Variants in MOB1B observed in about 807,000 individuals in gnomAD.
MOB1B encodes the protein MOB kinase activator 1B.
In MOB1B, 19 loss-of-function variants were observed where a neutral mutation model predicts 24.4. That is an observed-to-expected ratio of 0.78 (90% CI 0.54 to 1.14). The LOEUF (loss-of-function observed/expected upper bound fraction) is 1.14, where lower values mean the gene tolerates loss of function less well. MOB1B is among the 50% of genes most tolerant of loss of function. The pLI, the probability that MOB1B is intolerant of heterozygous loss-of-function variation, is 0.00. For missense variants in MOB1B, 243 were observed against 259.6 expected, an observed-to-expected ratio of 0.94 and a Z score of 0.44; for synonymous variants, 76 against 82.1, an observed-to-expected ratio of 0.93 and a Z score of 0.40.
chr4:70,967,783 A>G (rs1174814652), intron 2 of MOB1B, among the ~76,000 whole-genome samples: 1 of 152,226 alleles, frequency 6.6e-6, no homozygotes, highest in Non-Finnish European at 1.5e-5. Context: ...TGAAACCTGG[A>G]AACTATTCCT....
chr4:70,978,746 T>C (rs1411394265), intron 4 of MOB1B, among the ~76,000 whole-genome samples: 7 of 152,196 alleles, frequency 4.6e-5, no homozygotes, highest in African/African-American at 1.7e-4. Context: ...TAAACAAAAC[T>C]GAAGGTGGTT....
intron 2 of MOB1B, among the ~76,000 whole-genome samples, chr4:70,961,618 ATTGC>A (rs1156496365): frequency 6.6e-6 from 1 of 152,226 alleles, no homozygotes; most frequent in East Asian, 1.9e-4. Flanking sequence ...CTGGACAAAG[ATTGC>A]TTTGGACTGA....
chr4:70,979,382 A>T (rs1366749059), intron 5 of MOB1B, 91 bp downstream of exon 5: 4 of 989,186 alleles, frequency 4.0e-6, no homozygotes, highest in Non-Finnish European at 6.0e-6. Flanking sequence ...GTCAGGATGG[A>T]ATTTGCCATA....
intron 3 of MOB1B, 138 bp from the exon 4 acceptor site, chr4:70,975,014 TA>T (rs1268146700): frequency 1.0e-5 from 6 of 596,484 alleles, no homozygotes; most frequent in Non-Finnish European, 1.5e-5. Flanking sequence ...ACTGGGTATT[TA>T]AAAATGTATC....
rs535853514 is a variant in MOB1B, at chr4:70,964,820, C to T, written c.182-5111C>T. On this transcript the variant is annotated intron_variant, in intron 2 of 5. Coordinates refer to ENST00000309395, the MANE Select transcript of MOB1B (RefSeq NM_173468.4). ...TTGGGGCATGCCTGTATCCCAGCTACGTGGGAGGCTGAGGCAGGAAAATTG... is the reference window on the plus strand; with the variant it reads ...TTGGGGCATGCCTGTATCCCAGCTATGTGGGAGGCTGAGGCAGGAAAATTG... Among the ~76,000 whole-genome samples the T allele has an allele frequency of 4.1e-3, 623 of 151,364 alleles. 3 individuals are homozygous for T. Among genetic ancestry groups the T allele is most frequent in the Non-Finnish European group, 4.6e-3 (315 of 67,922 alleles).
intron 1 of MOB1B, among the ~76,000 whole-genome samples, chr4:70,923,529 A>G (rs1182943536): frequency 2.0e-5 from 3 of 152,150 alleles, no homozygotes; most frequent in African/African-American, 4.8e-5. Flanking sequence ...CTACCCTTGT[A>G]TCTGTCTGCC....
At chr4:70,959,651 GTGGA>G (rs754643453) in intron 2 of MOB1B, among the ~76,000 whole-genome samples, 6 of 152,006 alleles carry the variant, frequency 3.9e-5, no homozygotes, top group Non-Finnish European at 8.8e-5. Flanking sequence ...TCCTTTCTAC[GTGGA>G]TGATTTTATT....
At chr4:70,945,534 T>C (rs576076025) in intron 1 of MOB1B, among the ~76,000 whole-genome samples, 12 of 152,384 alleles carry the variant, frequency 7.9e-5, no homozygotes, top group African/African-American at 2.4e-4. Context: ...TGATTAGGCC[T>C]ATTTGTATAA....
At chr4:70,924,602 A>C (rs925906801) in intron 1 of MOB1B, among the ~76,000 whole-genome samples, 1 of 152,168 alleles carries the variant, frequency 6.6e-6, no homozygotes, top group Non-Finnish European at 1.5e-5. Flanking sequence ...CATTTACATT[A>C]GGTATTTCTC....
intron 2 of MOB1B, among the ~76,000 whole-genome samples, chr4:70,968,988 T>C (rs369952389): frequency 1.3e-5 from 2 of 152,316 alleles, no homozygotes; most frequent in Non-Finnish European, 2.9e-5. Context: ...AGATTGTCCT[T>C]TGCTTATTCT....
intron 1 of MOB1B, among the ~76,000 whole-genome samples, chr4:70,932,123 C>T (rs1435955097): frequency 1.3e-5 from 2 of 152,004 alleles, no homozygotes; most frequent in Non-Finnish European, 2.9e-5. Context: ...CTAGTAGCTA[C>T]CAAGGATAAA....
At chr4:70,957,767 T>G (rs1212624710) in intron 1 of MOB1B, among the ~76,000 whole-genome samples, 2 of 151,272 alleles carry the variant, frequency 1.3e-5, no homozygotes, top group East Asian at 3.9e-4. Context: ...TTTTTTTTTT[T>G]TTTTCAAGAG....
chr4:70,917,137 C>A (rs566093225), intron 1 of MOB1B, among the ~76,000 whole-genome samples: 3 of 152,160 alleles, frequency 2.0e-5, no homozygotes, highest in African/African-American at 2.4e-5. Context: ...GGCCTCCTGG[C>A]AGTGTTCTCT....
At chr4:70,946,081 G>GTTTTTTTTTTTT (rs1560648567) in intron 1 of MOB1B, among the ~76,000 whole-genome samples, 1 of 85,186 alleles carries the variant, frequency 1.2e-5, no homozygotes, top group Non-Finnish European at 2.4e-5. Context: ...GTTTTTGTTT[G>GTTTTTTTTTTTT]TTCTTTTTTT....
intron 3 of MOB1B, among the ~76,000 whole-genome samples, chr4:70,974,596 C>A (rs1421979728): frequency 6.6e-6 from 1 of 152,086 alleles, no homozygotes; most frequent in African/African-American, 2.4e-5. Flanking sequence ...TACCAAAAGC[C>A]TTTATTTGGG....
chr4:70,917,469 G>C (rs1438900923), intron 1 of MOB1B, among the ~76,000 whole-genome samples: 2 of 152,178 alleles, frequency 1.3e-5, no homozygotes, highest in Non-Finnish European at 2.9e-5. Flanking sequence ...TCCTTGGTTA[G>C]CTTTACCTCA....
intron 1 of MOB1B, among the ~76,000 whole-genome samples, chr4:70,915,989 G>C (rs531831092): frequency 6.7e-4 from 102 of 152,148 alleles, no homozygotes; most frequent in Non-Finnish European, 1.2e-3. Flanking sequence ...TACCTATGCT[G>C]TCAGGAATGT....
At chr4:70,937,624 G>A (rs943190564) in intron 1 of MOB1B, among the ~76,000 whole-genome samples, 7 of 151,670 alleles carry the variant, frequency 4.6e-5, no homozygotes, top group Non-Finnish European at 1.0e-4. Flanking sequence ...TGATTCTCAT[G>A]TCTCAGTCTC....
At chr4:70,955,327 C>T (rs1737996063) in intron 1 of MOB1B, among the ~76,000 whole-genome samples, 1 of 152,020 alleles carries the variant, frequency 6.6e-6, no homozygotes, top group African/African-American at 2.4e-5. Flanking sequence ...CAGCCGTGTG[C>T]TAATTAAAGG....
Sources: allele counts gnomAD v4.1 joint callset (sites outside exome capture counted in the v4.1 genomes callset), GRCh38; gene constraint gnomAD v4.1.1; transcripts MANE v1.5; gene names NCBI Gene and HGNC (gene_info 2026-07-23, HGNC 2026-07-21).